Variants in SLC3A1 observed in about 807,000 individuals in gnomAD.
SLC3A1 encodes the protein solute carrier family 3 member 1.
In SLC3A1, 78 loss-of-function variants were observed where a neutral mutation model predicts 60.3. The ratio of observed to expected loss-of-function variants is 1.29; its 90% CI spans 1.08 to 1.56. The LOEUF is 1.56. SLC3A1 is among the 40% of genes most tolerant of loss of function. The pLI is 0.00. For synonymous variants in SLC3A1, 392 were observed against 307.9 expected (o/e 1.27, Z -2.86); for missense variants, 1,172 against 858.9 (o/e 1.36, Z -4.56).
chr2:44,317,993 T>C, intron 9 of SLC3A1: 1 of 340,488 alleles, frequency 2.9e-6, no homozygotes, highest in South Asian at 2.2e-5. Context: ...GCTATAGCTA[T>C]AAACACAAAA....
intron 7 of SLC3A1, among the ~76,000 whole-genome samples, chr2:44,309,725 T>C (rs1284722850): frequency 6.6e-6 from 1 of 152,146 alleles, no homozygotes; most frequent in Non-Finnish European, 1.5e-5. Flanking sequence ...TAGCCTCCTG[T>C]GTAGCTTGGA....
At chr2:44,314,184 T>C in intron 9 of SLC3A1, 4 of 1,050,002 alleles carry the variant, frequency 3.8e-6, no homozygotes, top group Non-Finnish European at 5.4e-6. Context: ...TATACAAGTC[T>C]TCATTGCAAT....
At chr2:44,298,345 C>A (rs78956810) in intron 4 of SLC3A1, among the ~76,000 whole-genome samples, 1 of 152,046 alleles carries the variant, frequency 6.6e-6, no homozygotes, top group Non-Finnish European at 1.5e-5. Flanking sequence ...ACTTATGCTC[C>A]TCTGGCCACA....
In SLC3A1 at chr2:44,320,210, T is replaced by C. The variant is rs780866007; in HGVS notation, c.1629T>C (p.Thr543=). 2 of 1,613,428 alleles carry C rather than the reference T, an allele frequency of 1.2e-6. No homozygotes were observed. The highest frequency in any genetic ancestry group is 1.7e-6 in the Non-Finnish European group (2 of 1,179,572). The change falls in exon 10 of 10, where the codon ACT becomes ACC. Residue 543 remains threonine (T), a synonymous_variant. Coordinates refer to ENST00000260649, the MANE Select transcript of SLC3A1 (RefSeq NM_000341.4). ...YHTVNVDVQK[T]QPRSALKLYQ... is the part of the protein sequence containing the mutation. ...TTTTAAAAAAATAGGTCCAAAAGAC[T>C]CAGCCCAGATCGGCTTTGAAGTTAT... is the stretch of plus-strand genomic sequence containing the variant.
chr2:44,315,988 C>G (rs1338708173), intron 9 of SLC3A1, among the ~76,000 whole-genome samples: 1 of 152,020 alleles, frequency 6.6e-6, no homozygotes, highest in African/African-American at 2.4e-5. Flanking sequence ...GTCACAGACA[C>G]CAGGAGAAAA....
chr2:44,292,783 G>T (rs999976989), intron 4 of SLC3A1, among the ~76,000 whole-genome samples: 4 of 152,216 alleles, frequency 2.6e-5, no homozygotes, highest in Non-Finnish European at 5.9e-5. Flanking sequence ...AGAGCAGGGA[G>T]TGACCCGATG....
At chr2:44,278,038 G>A (rs1671389590) in intron 1 of SLC3A1, among the ~76,000 whole-genome samples, 2 of 152,110 alleles carry the variant, frequency 1.3e-5, no homozygotes, top group South Asian at 4.1e-4. Context: ...CTCATCATAA[G>A]ATATATTTTG....
In SLC3A1 at chr2:44,320,715, T is replaced by G. The variant is rs551571927; in HGVS notation, c.*76T>G. The G allele has an allele frequency of 4.0e-5, 44 of 1,088,246 alleles. No individual in the cohort carries two copies. The African/African-American group carries it at 6.2e-4, about 15-fold the overall frequency. The allele number at this position is 1,088,246 out of a possible 1,614,324, so 67.4% of individuals were successfully genotyped here. ...ATTTGTAATAGCTTCATGTACAGCA[T>G]GCTGCTTGGTGAACAATCATTAATT... On this transcript the variant is annotated 3_prime_UTR_variant, in exon 10 of 10. Transcript: ENST00000260649.
chr2:44,312,928 A>G (rs1572815687), intron 8 of SLC3A1, 175 bp downstream of exon 8: 1 of 599,050 alleles, frequency 1.7e-6, no homozygotes, highest in Non-Finnish European at 2.9e-6. Flanking sequence ...GTGGTCTGAG[A>G]GCTTATTTTA....
In SLC3A1 at chr2:44,313,841, C is replaced by G; in HGVS notation, c.1507C>G (p.Leu503Val). Reference protein sequence around the residue: ...NLNESYDINTLRSKSPMQWDN... With the variant: ...NLNESYDINTVRSKSPMQWDN... ...TTCTGGTCTTTTGACATAGAATACC[C>G]TTCGCTCAAAGTCACCAATGCAGTG... Residue 503 changes from leucine (L) to valine (V), a missense_variant, in exon 9 of 10, where the codon CTT (leucine) becomes GTT (valine). Coordinates refer to ENST00000260649, the MANE Select transcript of SLC3A1 (RefSeq NM_000341.4). 6.2e-7 allele frequency: 1 copy of G among 1,613,220 alleles called. No homozygotes were observed. The highest frequency in any genetic ancestry group is 8.5e-7 in the Non-Finnish European group (1 of 1,179,182).
intron 4 of SLC3A1, among the ~76,000 whole-genome samples, chr2:44,292,677 G>C (rs1406924757): frequency 6.6e-6 from 1 of 152,148 alleles, no homozygotes; most frequent in Non-Finnish European, 1.5e-5. Flanking sequence ...GCTAAGTGAA[G>C]AGGCATGGGT....
At chr2:44,322,412 C>T (rs911895745), downstream of SLC3A1, among the ~76,000 whole-genome samples, 2 of 152,156 alleles carry the variant, frequency 1.3e-5, no homozygotes, top group Non-Finnish European at 2.9e-5. Context: ...CCAAGAATAA[C>T]GGCTCAATAA....
intron 7 of SLC3A1, among the ~76,000 whole-genome samples, chr2:44,309,538 C>T (rs74327041): frequency 0.013 from 1,936 of 152,126 alleles, 36 homozygotes; most frequent in African/African-American, 0.044. Context: ...TCTGTTTAAG[C>T]CCCAGATTTC....
At chr2:44,317,675 A>G (rs1302747862) in intron 9 of SLC3A1, 1 of 152,306 alleles carries the variant, frequency 6.6e-6, no homozygotes, top group African/African-American at 2.4e-5. Context: ...ATTATTTTCA[A>G]AGAACACTAG....
chr2:44,279,266 T>C (rs1248212354), intron 1 of SLC3A1, among the ~76,000 whole-genome samples: 2 of 152,142 alleles, frequency 1.3e-5, no homozygotes, highest in African/African-American at 4.8e-5. Context: ...TCCCTAAGTG[T>C]TGGGATTACA....
intron 7 of SLC3A1, among the ~76,000 whole-genome samples, chr2:44,311,495 G>A (rs180852619): frequency 1.1e-4 from 16 of 152,136 alleles, no homozygotes; most frequent in African/African-American, 3.6e-4. Flanking sequence ...TAAGTAGTAT[G>A]ACAATTCTGG....
chr2:44,304,840 T>TTG (rs1491044298), intron 7 of SLC3A1, among the ~76,000 whole-genome samples: 2 of 129,622 alleles, frequency 1.5e-5, no homozygotes, highest in Non-Finnish European at 3.2e-5. Context: ...TTTTTTTTTT[T>TTG]GAGACAGGGG....
At chr2:44,303,169 C>T (rs1672060485) in intron 6 of SLC3A1, among the ~76,000 whole-genome samples, 1 of 149,596 alleles carries the variant, frequency 6.7e-6, no homozygotes, top group Admixed American at 6.6e-5. Flanking sequence ...CCATTGCACT[C>T]CAGCCTGGGC....
Position 44,275,754 on chromosome 2 carries a change from G to T in SLC3A1, c.219G>T (p.Leu73=). The change falls in exon 1 of 10, where the codon CTG becomes CTT. Residue 73 remains leucine (L), a synonymous_variant. Transcript: ENST00000260649. ...QPYAGMPKEV[L]FQFSGQARYR... is the part of the protein sequence containing the mutation. ...ATGCGGGGATGCCCAAGGAGGTGCTGTTCCAGTTCTCTGGCCAGGCCCGCT... is the reference window on the plus strand; with the variant it reads ...ATGCGGGGATGCCCAAGGAGGTGCTTTTCCAGTTCTCTGGCCAGGCCCGCT... 6.2e-7 allele frequency: 1 copy of T among 1,614,280 alleles called. No homozygotes were observed. The highest frequency in any genetic ancestry group is 8.5e-7 in the Non-Finnish European group (1 of 1,180,052).
Sources: gnomAD v4.1 joint callset for allele counts (sites outside exome capture counted in the v4.1 genomes callset) on GRCh38, gnomAD v4.1.1 for gene constraint, MANE v1.5 for transcripts, NCBI Gene and HGNC (gene_info 2026-07-23, HGNC 2026-07-21) for gene names.